The following TULP4 variants were observed in gnomAD, a reference collection of about 807,000 sequenced individuals.
The protein encoded by TULP4 is TUB like protein 4, also known as tubby-related protein 4.
Under a neutral mutation model 129.0 loss-of-function variants are expected in TULP4, and 16 were observed. The observed-to-expected ratio is 0.12, with a 90% CI of 0.08 to 0.19. TULP4 has a LOEUF of 0.19. Ranked by LOEUF, TULP4 falls within the 10% of genes least tolerant of loss-of-function variation. The pLI, the probability that TULP4 is intolerant of heterozygous loss-of-function variation, is 1.00. For synonymous variants in TULP4, 998 were observed against 854.0 expected, an observed-to-expected ratio of 1.17 and a Z score of -2.94; for missense variants, 1,842 against 2,059.1, an observed-to-expected ratio of 0.89 and a Z score of 2.04.
chr6:158,325,962 A>C (rs548056050), intron 1 of TULP4, among the ~76,000 whole-genome samples: 2 of 150,248 alleles, frequency 1.3e-5, no homozygotes, highest in Admixed American at 1.3e-4. Context: ...TGATGAATCA[A>C]TTTTAGGATT....
upstream of TULP4, among the ~76,000 whole-genome samples, chr6:158,277,473 A>G (rs1778668473): frequency 6.6e-6 from 1 of 152,222 alleles, no homozygotes; most frequent in Admixed American, 6.5e-5. Context: ...ATATTTTTTC[A>G]GAATTCTGAA....
intron 1 of TULP4, among the ~76,000 whole-genome samples, chr6:158,344,315 G>A (rs1462241644): frequency 1.3e-5 from 2 of 152,234 alleles, no homozygotes; most frequent in Non-Finnish European, 2.9e-5. Context: ...CACAAAGCCT[G>A]TGTGGTGGAC....
At chr6:158,357,720 T>G (rs570798038) in intron 1 of TULP4, among the ~76,000 whole-genome samples, 7 of 152,360 alleles carry the variant, frequency 4.6e-5, no homozygotes, top group Admixed American at 2.0e-4. Flanking sequence ...CCTACACCAG[T>G]GCTGGCCCAG....
chr6:158,242,495 T>C, intron 1 of TULP4: 2 of 804,416 alleles, frequency 2.5e-6, no homozygotes, highest in Non-Finnish European at 4.4e-6. Flanking sequence ...GCTCCTTCAG[T>C]TTGTCTGTCT....
At chr6:158,336,396 G>A (rs1562525169) in intron 1 of TULP4, among the ~76,000 whole-genome samples, 1 of 152,020 alleles carries the variant, frequency 6.6e-6, no homozygotes. Context: ...TTTGCTTAGT[G>A]TATTTTTTGC....
At chr6:158,433,280 GT>G in intron 3 of TULP4, among the ~76,000 whole-genome samples, 1 of 152,290 alleles carries the variant, frequency 6.6e-6, no homozygotes, top group Non-Finnish European at 1.5e-5. Context: ...TAAACTGGAA[GT>G]TAAGTCTAGA....
chr6:158,464,500 A>C (rs652297), intron 6 of TULP4, among the ~76,000 whole-genome samples: 65,222 of 152,070 alleles, frequency 0.43, 15,648 homozygotes, highest in African/African-American at 0.66. Context: ...CCCCCGCCGC[A>C]AGACGGAGGT....
intron 2 of TULP4, among the ~76,000 whole-genome samples, chr6:158,425,637 T>C (rs561717418): frequency 6.6e-6 from 1 of 151,356 alleles, no homozygotes; most frequent in Non-Finnish European, 1.5e-5. Flanking sequence ...TGAGACGGAG[T>C]CCCACTCTGT....
In TULP4 at chr6:158,493,798, C is replaced by T. The variant is rs572477228; in HGVS notation, c.1776+81C>T. ...AGGGCCCCTTCCTACCCGCCGCCTG[C>T]ACTGCTCACTGCCACCATGGGTCCC... On this transcript the variant is annotated intron_variant, in intron 10 of 13. Transcript: ENST00000367097. This position sits in a 1 kb window ranked among gnomAD's most constrained non-coding sequence, Gnocchi z 4.4. 399 of 1,408,920 alleles carry T rather than the reference C, an allele frequency of 2.8e-4. No homozygotes were observed. The African/African-American group carries it at 5.0e-3, about 18-fold the overall frequency. The allele number at this position is 1,408,920 out of a possible 1,614,324, so 87.3% of individuals were successfully genotyped here. A position where few individuals can be genotyped will look rare whatever the true frequency, so the allele number is the denominator to read the frequency against.
intron 1 of TULP4, among the ~76,000 whole-genome samples, chr6:158,346,744 A>G (rs1780322404): frequency 1.3e-5 from 2 of 149,332 alleles, no homozygotes; most frequent in Non-Finnish European, 3.0e-5. Context: ...TGCTGAAATG[A>G]AACCCCTTTA....
At chr6:158,344,889 A>G (rs1482185811) in intron 1 of TULP4, among the ~76,000 whole-genome samples, 1 of 152,248 alleles carries the variant, frequency 6.6e-6, no homozygotes, top group East Asian at 1.9e-4. Context: ...CTGTTAGCCA[A>G]GTTGTGAATG....
At chr6:158,262,370 A>G (rs1778368492) in intron 1 of TULP4, among the ~76,000 whole-genome samples, 1 of 152,092 alleles carries the variant, frequency 6.6e-6, no homozygotes. Context: ...GTAACTGGTA[A>G]CACGCCTACG....
chr6:158,374,935 C>A (rs1777152950), intron 1 of TULP4, among the ~76,000 whole-genome samples: 1 of 152,114 alleles, frequency 6.6e-6, no homozygotes, highest in Non-Finnish European at 1.5e-5. Flanking sequence ...GCTATGCTTA[C>A]CTAAGCCAAG....
chr6:158,511,409 G>GTTT lies in TULP4; in HGVS notation c.*4716_*4717insTTT, dbSNP rs1201386401. ...TTTTCCCTTTTTTTTTTTTTTAACC[G>GTTT]TAAGTGCACGATGCAGGTGCATAGG... On this transcript the variant is annotated 3_prime_UTR_variant, in exon 14 of 14. Coordinates refer to ENST00000367097, the MANE Select transcript of TULP4 (RefSeq NM_020245.5). The GTTT allele has an allele frequency of 7.8e-6, 1 of 127,900 alleles. No individual in the cohort carries two copies. The highest frequency in any genetic ancestry group is 8.6e-5 in the Admixed American group (1 of 11,586). 7.9% of individuals were successfully genotyped at this position (127,900 alleles called of 1,614,324 possible). A position where few individuals can be genotyped will look rare whatever the true frequency, so the allele number is the denominator to read the frequency against.
intron 8 of TULP4, among the ~76,000 whole-genome samples, chr6:158,485,416 T>C (rs1038625100): frequency 6.6e-6 from 1 of 152,190 alleles, no homozygotes; most frequent in Non-Finnish European, 1.5e-5. Flanking sequence ...AAAGCGCTTA[T>C]GAAATTATAT....
At chr6:158,451,222 A>G (rs895007148) in intron 4 of TULP4, among the ~76,000 whole-genome samples, 4 of 152,318 alleles carry the variant, frequency 2.6e-5, no homozygotes, top group Non-Finnish European at 5.9e-5. Context: ...CAGGGGGGGC[A>G]GTTTAGAGGA....
At chr6:158,303,608 G>A (rs1302002390) in intron 1 of TULP4, among the ~76,000 whole-genome samples, 2 of 152,230 alleles carry the variant, frequency 1.3e-5, no homozygotes, top group African/African-American at 2.4e-5. Context: ...CTACTGGTAA[G>A]GGTCTCTGTT....
chr6:158,351,426 C>A (rs1359083020), intron 1 of TULP4, among the ~76,000 whole-genome samples: 1 of 152,050 alleles, frequency 6.6e-6, no homozygotes, highest in African/African-American at 2.4e-5. Flanking sequence ...CTTCAGCAAC[C>A]CGTTTTTGCA....
Position 158,388,106 on chromosome 6 carries a change from T to C in TULP4, c.253-24959T>C, listed in dbSNP as rs368695751. ...TGAGAGAGAAGTGTGCTTTAAGAGATTCAAGTATCTAAAATGGTTTAGCCA... is the reference window on the plus strand; with the variant it reads ...TGAGAGAGAAGTGTGCTTTAAGAGACTCAAGTATCTAAAATGGTTTAGCCA... On this transcript the variant is annotated intron_variant, in intron 1 of 13. Coordinates refer to ENST00000367097, the MANE Select transcript of TULP4 (RefSeq NM_020245.5). 9.2e-5 allele frequency among the ~76,000 whole-genome samples: 14 copies of C among 152,304 alleles called. 1 individual carries two copies. Among genetic ancestry groups the C allele is most frequent in the African/African-American group, 2.9e-4 (12 of 41,566 alleles).
Sources: gnomAD v4.1 joint callset for allele counts (sites outside exome capture counted in the v4.1 genomes callset) on GRCh38, gnomAD v4.1.1 for gene constraint, Gnocchi (gnomAD v3.1) non-coding constraint, MANE v1.5 for transcripts, NCBI Gene and HGNC (gene_info 2026-07-23, HGNC 2026-07-21) for gene names.